The following RBPJ variants were observed in gnomAD, a reference collection of about 807,000 sequenced individuals.
The protein encoded by RBPJ is recombining binding protein suppressor of hairless.
In RBPJ, 9 loss-of-function variants were observed where a neutral mutation model predicts 67.8. The observed-to-expected ratio is 0.13, with a 90% confidence interval of 0.08 to 0.23. The LOEUF is 0.23. Among genes scored for constraint, RBPJ ranks in the 10% least tolerant of loss-of-function variants. RBPJ has a pLI of 1.00. For synonymous variants in RBPJ, 198 were observed against 203.3 expected, an observed-to-expected ratio of 0.97 and a Z score of 0.22; for missense variants, 305 against 595.6, an observed-to-expected ratio of 0.51 and a Z score of 5.08.
rs1728047366 is a variant in RBPJ, at chr4:26,361,426, GGA to G, written c.21-24926_21-24925del. Among the ~76,000 whole-genome samples the G allele has an allele frequency of 2.0e-5, 3 of 152,174 alleles. No individual in the cohort carries two copies. In the South Asian group the frequency reaches 6.2e-4, roughly 32 times the overall value. ...TCAGTTACATCTACTCTTTCAACCA[GGA>G]AATAGTTTCATTTTCTCCTTAGCAC... On this transcript the variant is annotated intron_variant, in intron 1 of 10. Transcript: ENST00000355476.
At chr4:26,110,748 C>T in the RBPJ span, among the ~76,000 whole-genome samples, 3 of 152,262 alleles carry the variant, frequency 2.0e-5, no homozygotes, top group Admixed American at 6.5e-5. The surrounding 1 kb of genome is among the most constrained non-coding windows in gnomAD (Gnocchi z 4.5). Context: ...ATGGCCTCCA[C>T]GGTGCTGGTG....
intron 1 of RBPJ, among the ~76,000 whole-genome samples, chr4:26,170,533 G>A (rs1348420736): frequency 5.4e-5 from 7 of 130,434 alleles, no homozygotes; most frequent in African/African-American, 2.0e-4. Context: ...AACAGAGTAA[G>A]GCCCTGTCTA....
intron 1 of RBPJ, among the ~76,000 whole-genome samples, chr4:26,226,883 T>G (rs1719093560): frequency 6.6e-6 from 1 of 152,118 alleles, no homozygotes; most frequent in South Asian, 2.1e-4. Flanking sequence ...TCACTGAAAT[T>G]TATTTGATGA....
chr4:26,180,118 A>G (rs935296532), intron 1 of RBPJ, among the ~76,000 whole-genome samples: 6 of 152,178 alleles, frequency 3.9e-5, no homozygotes, highest in African/African-American at 1.4e-4. Context: ...TGGGAGCTAA[A>G]TGATGAGAAC....
chr4:26,191,716 A>G (rs1717558510), intron 1 of RBPJ, among the ~76,000 whole-genome samples: 1 of 152,172 alleles, frequency 6.6e-6, no homozygotes, highest in African/African-American at 2.4e-5. Flanking sequence ...CTCATTAGAG[A>G]CTTAGTATCC....
At chr4:26,340,947 A>G (rs926398476) in intron 1 of RBPJ, among the ~76,000 whole-genome samples, 2 of 152,160 alleles carry the variant, frequency 1.3e-5, no homozygotes, top group Middle Eastern at 3.4e-3. Flanking sequence ...ATCATTTTAG[A>G]TGTGCTAGTT....
At chr4:26,317,377 T>C (rs1032239647), upstream of RBPJ, among the ~76,000 whole-genome samples, 4 of 151,950 alleles carry the variant, frequency 2.6e-5, no homozygotes, top group African/African-American at 9.7e-5. Flanking sequence ...AAAGTGTGCT[T>C]GGGGCATCCC....
the RBPJ span, among the ~76,000 whole-genome samples, chr4:26,150,276 A>C: frequency 1.3e-5 from 2 of 152,166 alleles, no homozygotes; most frequent in Non-Finnish European, 2.9e-5. Flanking sequence ...CTACCTAATC[A>C]TCAGATGCAT....
chr4:26,108,244 C>A, the RBPJ span, among the ~76,000 whole-genome samples: 154 of 152,224 alleles, frequency 1.0e-3, no homozygotes, highest in African/African-American at 3.6e-3. Flanking sequence ...AGGGCTCAGA[C>A]GGAAGTGACA....
intron 1 of RBPJ, among the ~76,000 whole-genome samples, chr4:26,211,925 G>A (rs371215864): frequency 2.0e-5 from 3 of 152,088 alleles, no homozygotes; most frequent in Admixed American, 6.6e-5. Context: ...GACACAGAGC[G>A]AAGTCCACCT....
chr4:26,141,266 G>T, the RBPJ span, among the ~76,000 whole-genome samples: 1 of 152,354 alleles, frequency 6.6e-6, no homozygotes, highest in South Asian at 2.1e-4. Flanking sequence ...TCCAACTCTG[G>T]CCTCTCTAAC....
intron 1 of RBPJ, among the ~76,000 whole-genome samples, chr4:26,368,762 TTAAA>T (rs1728867932): frequency 6.6e-6 from 1 of 152,232 alleles, no homozygotes; most frequent in African/African-American, 2.4e-5. Context: ...AAATTTAACT[TTAAA>T]TAAACTCCTT....
At chr4:26,342,556 A>G (rs558904383) in intron 1 of RBPJ, among the ~76,000 whole-genome samples, 2 of 152,312 alleles carry the variant, frequency 1.3e-5, no homozygotes, top group East Asian at 3.9e-4. Flanking sequence ...TGGTTAACTT[A>G]GTCATCTGAC....
At chr4:26,300,684 C>T (rs943674705) in intron 1 of RBPJ, among the ~76,000 whole-genome samples, 3 of 152,190 alleles carry the variant, frequency 2.0e-5, no homozygotes, top group Non-Finnish European at 4.4e-5. Flanking sequence ...CTTTCATTAT[C>T]TGTGTCTCTA....
chr4:26,109,825 T>C, the RBPJ span, among the ~76,000 whole-genome samples: 12 of 151,348 alleles, frequency 7.9e-5, no homozygotes, highest in Non-Finnish European at 1.3e-4. Flanking sequence ...TTTATAACAA[T>C]AATTCTTATA....
chr4:26,334,795 G>A (rs1724638229), intron 1 of RBPJ, among the ~76,000 whole-genome samples: 1 of 152,064 alleles, frequency 6.6e-6, no homozygotes. Flanking sequence ...GTTTTGTTAT[G>A]TTATGTCTTT....
chr4:26,250,970 A>AT (rs1720090279), intron 1 of RBPJ, among the ~76,000 whole-genome samples: 1 of 152,218 alleles, frequency 6.6e-6, no homozygotes, highest in African/African-American at 2.4e-5. Flanking sequence ...ATGTAAACGC[A>AT]TTTCTTAAAG....
chr4:26,243,933 A>G (rs1158100653), intron 1 of RBPJ, among the ~76,000 whole-genome samples: 1 of 151,936 alleles, frequency 6.6e-6, no homozygotes, highest in Non-Finnish European at 1.5e-5. Context: ...GTCTCTACAA[A>G]AAAATACAAA....
chr4:26,418,385 A>C (rs1007924233), intron 4 of RBPJ, among the ~76,000 whole-genome samples: 1 of 152,200 alleles, frequency 6.6e-6, no homozygotes, highest in Non-Finnish European at 1.5e-5. Context: ...GTTTGTGGTC[A>C]GTGGCCTTAT....
Sources: allele counts gnomAD v4.1 joint callset (sites outside exome capture counted in the v4.1 genomes callset), GRCh38; gene constraint gnomAD v4.1.1; non-coding constraint Gnocchi (gnomAD v3.1); transcripts MANE v1.5; gene names NCBI Gene and HGNC (gene_info 2026-07-23, HGNC 2026-07-21).